The following FRMD3 variants were observed in gnomAD, a reference collection of about 807,000 sequenced individuals.
The protein encoded by FRMD3 is FERM domain containing 3, also known as FERM domain-containing protein 3.
In FRMD3, 33 loss-of-function variants were observed where a neutral mutation model predicts 70.2. The observed-to-expected ratio is 0.47, with a 90% CI of 0.36 to 0.63. FRMD3 has a LOEUF of 0.63. Ranked by LOEUF, FRMD3 falls within the 20% of genes least tolerant of loss-of-function variation. The pLI, the probability that FRMD3 is intolerant of heterozygous loss-of-function variation, is 0.00. For synonymous variants in FRMD3, 279 were observed against 255.9 expected (o/e 1.09, Z -0.86); for missense variants, 632 against 711.4 (o/e 0.89, Z 1.27).
chr9:83,452,413 C>G (rs1827686414), intron 1 of FRMD3, among the ~76,000 whole-genome samples: 1 of 152,164 alleles, frequency 6.6e-6, no homozygotes, highest in African/African-American at 2.4e-5. Flanking sequence ...AATTTCAAAT[C>G]CTCCTGGTTT....
chr9:83,244,629 CCA>C lies in FRMD3; in HGVS notation c.*3287_*3288del. 1 of 982,302 alleles carries C rather than the reference CCA, an allele frequency of 1.0e-6. No individual in the cohort carries two copies. 60.8% of individuals were successfully genotyped at this position (982,302 alleles called of 1,614,324 possible). ...CTGAATGATTGCAAAAAATTTTACC[CCA>C]GAGTATTTTTATTAGGGATTCCTGC... On this transcript the variant is annotated 3_prime_UTR_variant, in exon 14 of 14. Transcript: ENST00000304195.
chr9:83,401,078 T>A (rs1187642988), intron 1 of FRMD3, among the ~76,000 whole-genome samples: 14 of 152,208 alleles, frequency 9.2e-5, no homozygotes, highest in Admixed American at 9.2e-4. Context: ...ACTTAGAACT[T>A]CCTTAGTGCC....
chr9:83,390,023 A>T (rs1271771126), intron 1 of FRMD3, among the ~76,000 whole-genome samples: 3 of 152,188 alleles, frequency 2.0e-5, no homozygotes, highest in Non-Finnish European at 4.4e-5. Context: ...CTAATTTCAC[A>T]ACACAGTAAC....
intron 13 of FRMD3, among the ~76,000 whole-genome samples, chr9:83,275,081 A>C (rs1833751728): frequency 6.6e-6 from 1 of 152,200 alleles, no homozygotes; most frequent in South Asian, 2.1e-4. Flanking sequence ...AGTTGTAAAC[A>C]TATTAAGCTT....
chr9:83,333,753 C>T (rs1313905737), intron 6 of FRMD3, among the ~76,000 whole-genome samples: 1 of 152,162 alleles, frequency 6.6e-6, no homozygotes, highest in East Asian at 1.9e-4. Context: ...CCTTTAAACG[C>T]TCAACAAAGG....
intron 1 of FRMD3, among the ~76,000 whole-genome samples, chr9:83,464,714 G>C (rs1006108836): frequency 8.6e-5 from 13 of 152,042 alleles, no homozygotes; most frequent in African/African-American, 3.1e-4. Flanking sequence ...CATTTAAACT[G>C]GTCAAAGATA....
intron 1 of FRMD3, among the ~76,000 whole-genome samples, chr9:83,418,381 T>C (rs1157410306): frequency 1.3e-5 from 2 of 151,948 alleles, no homozygotes; most frequent in Non-Finnish European, 2.9e-5. Context: ...ATGTATCCAA[T>C]GAAGGACTAG....
chr9:83,245,731 A>G lies in FRMD3; in HGVS notation c.*2187T>C. On this transcript the variant is annotated 3_prime_UTR_variant, in exon 14 of 14. Transcript: ENST00000304195. ...CATAGTCAGAACTTTAGAGAAAATT[A>G]TATGACGCATGATCAGAAGGGGACT... 4 of 984,394 alleles carry G rather than the reference A, an allele frequency of 4.1e-6. No homozygotes were observed. Among genetic ancestry groups the G allele is most frequent in the East Asian group, 1.1e-4 (1 of 8,814 alleles). The allele number at this position is 984,394 out of a possible 1,614,324, so 61.0% of individuals were successfully genotyped here.
At chr9:83,335,424 T>C in intron 6 of FRMD3, 92 bp downstream of exon 6, 1 of 1,345,872 alleles carries the variant, frequency 7.4e-7, no homozygotes. Flanking sequence ...ACATTACAAA[T>C]ATTCCTCCTT....
At chr9:83,281,598 C>T (rs1038182906) in intron 13 of FRMD3, 6 of 152,106 alleles carry the variant, frequency 3.9e-5, no homozygotes, top group Non-Finnish European at 7.3e-5. Flanking sequence ...ATTGCTTCCA[C>T]GAAGACAGCC....
intron 1 of FRMD3, among the ~76,000 whole-genome samples, chr9:83,463,458 T>G (rs1237631653): frequency 3.9e-5 from 6 of 152,006 alleles, no homozygotes; most frequent in African/African-American, 1.4e-4. Context: ...GAAAAAAGAA[T>G]GAGTAAAAGG....
At chr9:83,352,221 C>T (rs1448773783) in intron 3 of FRMD3, among the ~76,000 whole-genome samples, 1 of 152,166 alleles carries the variant, frequency 6.6e-6, no homozygotes, top group Non-Finnish European at 1.5e-5. Flanking sequence ...ATAATGTAGA[C>T]TCTCAAAAGT....
intron 1 of FRMD3, among the ~76,000 whole-genome samples, chr9:83,391,029 G>A (rs1825652047): frequency 2.0e-5 from 3 of 152,176 alleles, no homozygotes; most frequent in South Asian, 2.1e-4. Flanking sequence ...CAATGCAAGC[G>A]TGGCTGAAAC....
At chr9:83,515,386 T>C (rs1829433415) in intron 1 of FRMD3, among the ~76,000 whole-genome samples, 1 of 152,086 alleles carries the variant, frequency 6.6e-6, no homozygotes, top group African/African-American at 2.4e-5. Flanking sequence ...TGAAGATCAA[T>C]TTAATGAAAT....
chr9:83,392,159 C>T (rs568417711), intron 1 of FRMD3, among the ~76,000 whole-genome samples: 1 of 152,166 alleles, frequency 6.6e-6, no homozygotes, highest in African/African-American at 2.4e-5. Context: ...CTTGGGTACA[C>T]AAGCTGCCTC....
intron 2 of FRMD3, among the ~76,000 whole-genome samples, chr9:83,387,573 C>G (rs992987161): frequency 6.6e-5 from 10 of 152,166 alleles, no homozygotes; most frequent in Non-Finnish European, 1.5e-5. Flanking sequence ...CACAAAATAA[C>G]CTGTTTGCAG....
chr9:83,575,756 G>T, the FRMD3 span, among the ~76,000 whole-genome samples: 1 of 152,124 alleles, frequency 6.6e-6, no homozygotes, highest in Non-Finnish European at 1.5e-5. Flanking sequence ...TGAATTACTA[G>T]CTTTTAAACT....
In FRMD3 at chr9:83,246,642, T is replaced by TTC. The variant is rs767177965; in HGVS notation, c.*1274_*1275dup. Reference sequence around the variant, plus strand: ...GACATGTATCAAAAAGCCATTCATATTCTCTCTCTCTCTCTCTCTCTCTCT... The same window carrying TTC: ...GACATGTATCAAAAAGCCATTCATATTCTCTCTCTCTCTCTCTCTCTCTCTCT... On this transcript the variant is annotated 3_prime_UTR_variant, in exon 14 of 14. Coordinates refer to ENST00000304195, the MANE Select transcript of FRMD3 (RefSeq NM_174938.6). The TTC allele has an allele frequency of 1.1e-3, 920 of 827,544 alleles. No individual in the cohort carries two copies. Among genetic ancestry groups the TTC allele is most frequent in the Admixed American group, 3.0e-3 (23 of 7,750 alleles). 51.3% of individuals were successfully genotyped at this position (827,544 alleles called of 1,614,324 possible).
intron 2 of FRMD3, among the ~76,000 whole-genome samples, chr9:83,375,451 A>G (rs1825112697): frequency 6.6e-6 from 1 of 152,210 alleles, no homozygotes; most frequent in Non-Finnish European, 1.5e-5. Context: ...ATCTCTACAC[A>G]CTTTTCCAGA....
Sources: allele counts gnomAD v4.1 joint callset (sites outside exome capture counted in the v4.1 genomes callset), GRCh38; gene constraint gnomAD v4.1.1; transcripts MANE v1.5; gene names NCBI Gene and HGNC (gene_info 2026-07-23, HGNC 2026-07-21).